The following FAM20A variants were observed in gnomAD, a reference collection of about 807,000 sequenced individuals.
The protein encoded by FAM20A is pseudokinase FAM20A.
Under a neutral mutation model 52.0 loss-of-function variants are expected in FAM20A, and 42 were observed. That is an observed-to-expected ratio of 0.81 (90% confidence interval 0.63 to 1.04). The LOEUF (loss-of-function observed/expected upper bound fraction) is 1.04, where lower values mean the gene tolerates loss of function less well. Among genes scored for constraint, FAM20A ranks in the 50% least tolerant of loss-of-function variants. The pLI is 0.00. For missense variants in FAM20A, 742 were observed against 712.7 expected (o/e 1.04, Z -0.47); for synonymous variants, 304 against 298.9 (o/e 1.02, Z -0.18).
At chr17:68,593,364 T>C (rs774304712) in intron 1 of FAM20A, among the ~76,000 whole-genome samples, 9 of 152,258 alleles carry the variant, frequency 5.9e-5, no homozygotes, top group Non-Finnish European at 1.3e-4. Context: ...CCCATTTTTC[T>C]TTAATGCAAG....
At chr17:68,593,799 A>G (rs1241973485) in intron 1 of FAM20A, among the ~76,000 whole-genome samples, 1 of 152,218 alleles carries the variant, frequency 6.6e-6, no homozygotes, top group Non-Finnish European at 1.5e-5. Flanking sequence ...TCCTTCTCAC[A>G]TGAAGCTCCA....
intron 5 of FAM20A, 24 bp downstream of exon 5, chr17:68,543,605 C>A: frequency 6.2e-7 from 1 of 1,607,910 alleles, no homozygotes; most frequent in Non-Finnish European, 8.5e-7. Context: ...TAGGCAATGC[C>A]ATCTCCATGG....
At chr17:68,578,925 G>A (rs2087857941) in intron 1 of FAM20A, among the ~76,000 whole-genome samples, 1 of 143,978 alleles carries the variant, frequency 6.9e-6, no homozygotes, top group Non-Finnish European at 1.5e-5. Context: ...TGAGGTAGAA[G>A]AATTGTTTGA....
chr17:68,582,966 A>ATT lies in FAM20A; in HGVS notation c.404+17295_404+17296dup, dbSNP rs71144607. 2.3e-3 allele frequency among the ~76,000 whole-genome samples: 328 copies of ATT among 142,648 alleles called. 2 individuals are homozygous for ATT. The highest frequency in any genetic ancestry group is 8.1e-3 in the African/African-American group (312 of 38,400). The allele number at this position is 142,648 out of a possible 152,430, so 93.6% of individuals were successfully genotyped here. On this transcript the variant is annotated intron_variant, in intron 1 of 10. Coordinates refer to ENST00000592554, the MANE Select transcript of FAM20A (RefSeq NM_017565.4). ...AGGCACACACCACCAGGCCCAGCTG[A>ATT]TTTTTTTTTTTTTGTATTTTTAGTA...
chr17:68,571,159 G>T (rs1345121988), intron 1 of FAM20A, among the ~76,000 whole-genome samples: 3 of 152,168 alleles, frequency 2.0e-5, no homozygotes, highest in African/African-American at 7.2e-5. Context: ...GTTGGAAACT[G>T]AATTTACTGC....
intron 1 of FAM20A, among the ~76,000 whole-genome samples, chr17:68,564,995 A>G (rs2087335999): frequency 6.6e-6 from 1 of 151,550 alleles, no homozygotes; most frequent in Admixed American, 6.8e-5. Flanking sequence ...ACACGGCTTC[A>G]GGTCTGAAAA....
intron 1 of FAM20A, among the ~76,000 whole-genome samples, chr17:68,587,128 C>G (rs1230014540): frequency 1.3e-5 from 2 of 152,154 alleles, no homozygotes; most frequent in Non-Finnish European, 2.9e-5. Flanking sequence ...ACTCTTGACA[C>G]TTCAGGTGAT....
intron 1 of FAM20A, among the ~76,000 whole-genome samples, chr17:68,586,412 C>T (rs1484959856): frequency 6.6e-6 from 1 of 152,280 alleles, no homozygotes; most frequent in East Asian, 1.9e-4. Context: ...GTGAATGTGA[C>T]TTTATTTGGA....
intron 1 of FAM20A, among the ~76,000 whole-genome samples, chr17:68,575,490 T>TAA (rs2087710027): frequency 1.7e-5 from 2 of 115,364 alleles, no homozygotes; most frequent in South Asian, 2.4e-4. Flanking sequence ...ATATTATATA[T>TAA]TATAGATATT....
At chr17:68,599,136 C>G (rs1397500999) in intron 1 of FAM20A, among the ~76,000 whole-genome samples, 1 of 152,120 alleles carries the variant, frequency 6.6e-6, no homozygotes, top group Non-Finnish European at 1.5e-5. Flanking sequence ...TCCCTTCAAT[C>G]TCAGCATTAC....
intron 4 of FAM20A, among the ~76,000 whole-genome samples, chr17:68,544,111 A>C (rs1357276766): frequency 6.6e-6 from 1 of 152,222 alleles, no homozygotes; most frequent in East Asian, 1.9e-4. Flanking sequence ...CAGATGTCCA[A>C]GGATGAAGAA....
Position 68,540,928 on chromosome 17 carries a change from T to C in FAM20A, c.1140A>G (p.Thr380=). 1 of 1,599,056 alleles carries C rather than the reference T, an allele frequency of 6.3e-7. No homozygotes were observed. Among genetic ancestry groups the C allele is most frequent in the Non-Finnish European group, 8.5e-7 (1 of 1,172,182 alleles). ...TGTTGTACGGGTAGATCTGTTTCAC[T>C]GTGTCACAGTAAAGGGGATTGACCT... is the stretch of plus-strand genomic sequence containing the variant. The part of the protein sequence containing the change: ...EWEVNPLYCD[T]VKQIYPYNNS... Residue 380 remains threonine (T), a synonymous_variant, in exon 8 of 11, where the codon ACA becomes ACG. Transcript: ENST00000592554.
rs770395423 is a variant in FAM20A at position 68,540,835 on chromosome 17, G to A, written c.1219+14C>T. 23 of 1,586,550 alleles carry A rather than the reference G, an allele frequency of 1.4e-5. No homozygotes were observed. The highest frequency in any genetic ancestry group is 9.1e-5 in the South Asian group (8 of 87,746). On this transcript the variant is annotated intron_variant, in intron 8 of 10. Transcript: ENST00000592554. ...GAGCCCACTTCTGCTGGGGGCCTGCGTGTGGGGACCTACCTATCAAGAAGT... is the reference window on the plus strand; with the variant it reads ...GAGCCCACTTCTGCTGGGGGCCTGCATGTGGGGACCTACCTATCAAGAAGT...
chr17:68,576,485 C>A (rs1282054354), intron 1 of FAM20A, among the ~76,000 whole-genome samples: 3 of 152,154 alleles, frequency 2.0e-5, no homozygotes, highest in Non-Finnish European at 4.4e-5. Flanking sequence ...GTCCATCTGG[C>A]ACCTCCTGGC....
At chr17:68,594,666 G>A (rs986061126) in intron 1 of FAM20A, among the ~76,000 whole-genome samples, 1 of 152,168 alleles carries the variant, frequency 6.6e-6, no homozygotes, top group Non-Finnish European at 1.5e-5. Context: ...CCTTGTGGCA[G>A]TAGGACTGTA....
rs1345633971 is a variant in FAM20A at position 68,581,356 on chromosome 17, TTCTTTCTTTC to T, written c.404+18897_404+18906del. On this transcript the variant is annotated intron_variant, in intron 1 of 10. Transcript: ENST00000592554. ...GGTATCTCCGAAATGCAGTTTTTCT[TTCTTTCTTTC>T]TTTCTTTCTTTCTTTCTTTCTTTCT... 4.5e-3 allele frequency among the ~76,000 whole-genome samples: 504 copies of T among 112,902 alleles called. 1 individual carries two copies. The highest frequency in any genetic ancestry group is 7.4e-3 in the Non-Finnish European group (392 of 52,680). The allele number at this position is 112,902 out of a possible 152,430, so 74.1% of individuals were successfully genotyped here.
intron 4 of FAM20A, among the ~76,000 whole-genome samples, chr17:68,550,118 G>C (rs1156996830): frequency 6.6e-6 from 1 of 152,010 alleles, no homozygotes; most frequent in Non-Finnish European, 1.5e-5. Flanking sequence ...AGTTAATATT[G>C]ATTTGACATT....
rs1298470610 is a variant in FAM20A, at chr17:68,536,443, G to T, written c.*1034C>A. Reference sequence around the variant, plus strand: ...CAGATATCAACAAGTCAGGGAGAAGGTAGAGGAGACAAGGAATCCCTACTA... The same window carrying T: ...CAGATATCAACAAGTCAGGGAGAAGTTAGAGGAGACAAGGAATCCCTACTA... On this transcript the variant is annotated 3_prime_UTR_variant, in exon 11 of 11. Coordinates refer to ENST00000592554, the MANE Select transcript of FAM20A (RefSeq NM_017565.4). The T allele has an allele frequency of 2.2e-6, 1 of 454,122 alleles. No individual in the cohort carries two copies. The highest frequency in any genetic ancestry group is 1.6e-5 in the South Asian group (1 of 64,476). 28.1% of individuals were successfully genotyped at this position (454,122 alleles called of 1,614,324 possible).
rs1568711539 is a variant in FAM20A at position 68,535,509 on chromosome 17, C to A, written c.*1968G>T. The A allele has an allele frequency of 2.2e-6, 1 of 454,066 alleles. No individual in the cohort carries two copies. Among genetic ancestry groups the A allele is most frequent in the East Asian group, 6.9e-5 (1 of 14,394 alleles). The allele number at this position is 454,066 out of a possible 1,614,324, so 28.1% of individuals were successfully genotyped here. ...TTTTTACCCAGATATTTTCCCATTT[C>A]TGTGTGTGATCTCCTGGTTCTTCAT... On this transcript the variant is annotated 3_prime_UTR_variant, in exon 11 of 11. Transcript: ENST00000592554.
Sources: allele counts gnomAD v4.1 joint callset (sites outside exome capture counted in the v4.1 genomes callset), GRCh38; gene constraint gnomAD v4.1.1; transcripts MANE v1.5; gene names NCBI Gene and HGNC (gene_info 2026-07-23, HGNC 2026-07-21).